Variants in SEMA6A observed in about 807,000 individuals in gnomAD.
SEMA6A encodes semaphorin-6A.
SEMA6A carries 25 observed loss-of-function variants against 96.8 expected under a neutral mutation model. That is an observed-to-expected ratio of 0.26 (90% CI 0.19 to 0.36). SEMA6A has a LOEUF of 0.36. Among genes scored for constraint, SEMA6A ranks in the 10% least tolerant of loss-of-function variants. The pLI is 1.00. For synonymous variants in SEMA6A, 612 were observed against 518.0 expected, an observed-to-expected ratio of 1.18 and a Z score of -2.46; for missense variants, 1,363 against 1,323.1, an observed-to-expected ratio of 1.03 and a Z score of -0.47.
chr5:116,450,304 C>T (rs1754541869), intron 18 of SEMA6A, among the ~76,000 whole-genome samples: 1 of 152,056 alleles, frequency 6.6e-6, no homozygotes, highest in South Asian at 2.1e-4. Context: ...TGAAACCCTT[C>T]CAGGCTACCA....
At chr5:116,457,070 C>T (rs780084109) in intron 18 of SEMA6A, among the ~76,000 whole-genome samples, 1 of 152,166 alleles carries the variant, frequency 6.6e-6, no homozygotes, top group African/African-American at 2.4e-5. Context: ...CTCAACAGAG[C>T]TCTGTGCTTA....
intron 1 of SEMA6A, among the ~76,000 whole-genome samples, chr5:116,524,538 G>T (rs986632019): frequency 6.6e-6 from 1 of 151,632 alleles, no homozygotes; most frequent in Admixed American, 6.6e-5. Flanking sequence ...TTACAAGCTC[G>T]GGTTGTGAAT....
At chr5:116,568,674 C>T (rs959567921) in intron 1 of SEMA6A, among the ~76,000 whole-genome samples, 1 of 152,194 alleles carries the variant, frequency 6.6e-6, no homozygotes, top group Non-Finnish European at 1.5e-5. Context: ...AGGTGTCTCA[C>T]AGATGTGTGC....
chr5:116,494,810 G>C (rs779612385), intron 6 of SEMA6A, among the ~76,000 whole-genome samples: 1 of 152,186 alleles, frequency 6.6e-6, no homozygotes, highest in African/African-American at 2.4e-5. Flanking sequence ...TGCCACCTCT[G>C]CTTCCAGGCC....
Position 116,495,402 on chromosome 5 carries a change from A to C in SEMA6A, c.444+11T>G, listed in dbSNP as rs929302878. The C allele has an allele frequency of 3.8e-6, 6 of 1,594,188 alleles. No individual in the cohort carries two copies. The highest frequency in any genetic ancestry group is 1.3e-5 in the African/African-American group (1 of 74,698). ...CTGGCAGTGTGGTTCCAACCGACAAATAGCATTTACCTTATAGTTTCTGCA... is the reference window on the plus strand; with the variant it reads ...CTGGCAGTGTGGTTCCAACCGACAACTAGCATTTACCTTATAGTTTCTGCA... On this transcript the variant is annotated intron_variant, in intron 6 of 18. Coordinates refer to ENST00000343348, the MANE Select transcript of SEMA6A (RefSeq NM_020796.5).
At chr5:116,515,579 C>T (rs1006738942) in intron 1 of SEMA6A, among the ~76,000 whole-genome samples, 2 of 152,158 alleles carry the variant, frequency 1.3e-5, no homozygotes, top group Non-Finnish European at 2.9e-5. Context: ...TATTTTAGCA[C>T]CTAGAGTTTT....
At chr5:116,474,149 T>G (rs1341239823) in intron 16 of SEMA6A, among the ~76,000 whole-genome samples, 7 of 149,916 alleles carry the variant, frequency 4.7e-5, no homozygotes, top group Non-Finnish European at 1.0e-4. Context: ...ATGTTTCACG[T>G]ATTTTCTGAT....
chr5:116,542,810 G>A (rs1760029035), intron 1 of SEMA6A, among the ~76,000 whole-genome samples: 1 of 152,166 alleles, frequency 6.6e-6, no homozygotes, highest in South Asian at 2.1e-4. Context: ...AGTGAGGGCA[G>A]CGGCTGTCTT....
chr5:116,555,285 C>A (rs1038797669), intron 1 of SEMA6A, among the ~76,000 whole-genome samples: 5 of 152,096 alleles, frequency 3.3e-5, no homozygotes, highest in African/African-American at 1.2e-4. Flanking sequence ...CTTGACTCAC[C>A]CAACTTCTTT....
intron 15 of SEMA6A, among the ~76,000 whole-genome samples, chr5:116,476,374 C>A (rs1580407320): frequency 6.6e-6 from 1 of 152,308 alleles, no homozygotes; most frequent in South Asian, 2.1e-4. Context: ...TATTTTGCAA[C>A]TGCTTTCAGA....
rs1447129807 is a variant in SEMA6A at position 116,444,660 on chromosome 5, C to G, written c.*1953G>C. ...TCCCATCCCCTAAAAACATAATTAA[C>G]AAAATAAAAAATAAAATAAAAAATC... On this transcript the variant is annotated 3_prime_UTR_variant, in exon 19 of 19. Coordinates refer to ENST00000343348, the MANE Select transcript of SEMA6A (RefSeq NM_020796.5). 6.6e-6 allele frequency: 1 copy of G among 152,504 alleles called. No homozygotes were observed. Among genetic ancestry groups the G allele is most frequent in the African/African-American group, 2.4e-5 (1 of 41,416 alleles). The allele number at this position is 152,504 out of a possible 1,614,324, so 9.4% of individuals were successfully genotyped here. A position where few individuals can be genotyped will look rare whatever the true frequency, so the allele number is the denominator to read the frequency against.
chr5:116,519,693 G>A (rs10041265), intron 1 of SEMA6A, among the ~76,000 whole-genome samples: 13,137 of 123,036 alleles, frequency 0.11, 671 homozygotes, highest in Admixed American at 0.14. Flanking sequence ...ACACACACAC[G>A]CACACACATA....
intron 16 of SEMA6A, among the ~76,000 whole-genome samples, chr5:116,474,357 G>A (rs1012480864): frequency 6.6e-6 from 1 of 151,448 alleles, no homozygotes; most frequent in Non-Finnish European, 1.5e-5. Context: ...GCACCAAGAT[G>A]ATTAAGGTCC....
chr5:116,540,211 AT>A (rs1289333246), intron 1 of SEMA6A, among the ~76,000 whole-genome samples: 1 of 152,254 alleles, frequency 6.6e-6, no homozygotes, highest in Non-Finnish European at 1.5e-5. Context: ...AAAACAGTAT[AT>A]TTTAAATTGG....
In SEMA6A at chr5:116,447,062, G is replaced by T. The variant is rs1180268425; in HGVS notation, c.2644C>A (p.Pro882Thr). 1 of 1,613,962 alleles carries T rather than the reference G, an allele frequency of 6.2e-7. No individual in the cohort carries two copies. Among genetic ancestry groups the T allele is most frequent in the Admixed American group, 1.7e-5 (1 of 60,028 alleles). Residue 882 changes from proline to threonine, a missense_variant, in exon 19 of 19, where the codon CCA becomes ACA. By Grantham distance (38) the Pro-to-Thr change is conservative. Around this residue, in one of 2 missense-constraint regions of SEMA6A, gnomAD observed 883 missense variants for 763.6 expected, o/e 1.16. Coordinates refer to ENST00000343348, the MANE Select transcript of SEMA6A (RefSeq NM_020796.5). ...GGACCCAGGGAGGCCTCCCGCTGTG[G>T]AACTTTGGGGGGCAGGCTGTCCAGG... Reference protein sequence around the residue: ...ENLDSLPPKVPQREASLGPPG... With the variant: ...ENLDSLPPKVTQREASLGPPG...
At chr5:116,534,133 T>C (rs1321774715) in intron 1 of SEMA6A, among the ~76,000 whole-genome samples, 2 of 152,242 alleles carry the variant, frequency 1.3e-5, no homozygotes, top group Non-Finnish European at 2.9e-5. Flanking sequence ...TTTTTCTTCC[T>C]TCTGTAACTT....
chr5:116,493,539 G>A (rs1053926158), intron 6 of SEMA6A, among the ~76,000 whole-genome samples: 3 of 151,894 alleles, frequency 2.0e-5, no homozygotes, highest in Admixed American at 6.6e-5. Flanking sequence ...TCTTAATTAC[G>A]GAATTTTTTG....
At chr5:116,528,542 C>T (rs776789832) in intron 1 of SEMA6A, among the ~76,000 whole-genome samples, 1 of 152,168 alleles carries the variant, frequency 6.6e-6, no homozygotes, top group East Asian at 1.9e-4. Flanking sequence ...AATGAGCTTG[C>T]GATAGGACCC....
At chr5:116,448,170 TAA>T (rs59202921) in intron 18 of SEMA6A, among the ~76,000 whole-genome samples, 3,797 of 119,356 alleles carry the variant, frequency 0.032, 217 homozygotes, top group African/African-American at 0.13. Context: ...CCGTCTCTAC[TAA>T]AAAAAAAAAA....
Sources: allele counts gnomAD v4.1 joint callset (sites outside exome capture counted in the v4.1 genomes callset), GRCh38; gene constraint gnomAD v4.1.1; regional missense constraint gnomAD v4.1.1; transcripts MANE v1.5; gene names NCBI Gene and HGNC (gene_info 2026-07-23, HGNC 2026-07-21).